FGF13: variants seen among roughly 807,000 people sequenced by gnomAD.
The protein encoded by FGF13 is fibroblast growth factor homologous factor 2.
A neutral mutation model predicts 19.5 loss-of-function variants in FGF13; 2 were observed. The observed-to-expected ratio is 0.10, with a 90% CI of 0.04 to 0.32. The LOEUF is 0.32. Among genes scored for constraint, FGF13 ranks in the 10% least tolerant of loss-of-function variants. The pLI, the probability that FGF13 is intolerant of heterozygous loss-of-function variation, is 1.00. For synonymous variants in FGF13, 72 were observed against 76.9 expected (o/e 0.94, Z 0.33); for missense variants, 113 against 192.7 (o/e 0.59, Z 2.45).
At chrX:139,039,758 C>T (rs926396899) in intron 1 of FGF13, among the ~76,000 whole-genome samples, 11 of 110,865 alleles carry the variant, frequency 9.9e-5, no homozygotes, top group African/African-American at 3.0e-4. Context: ...ATCCCTAGAA[C>T]GGCAACTGTC....
chrX:138,865,435 T>TCTCTCTCTCTCTCTC (rs2091313588), intron 1 of FGF13, among the ~76,000 whole-genome samples: 5 of 99,688 alleles, frequency 5.0e-5, no homozygotes, highest in Non-Finnish European at 7.9e-5. Flanking sequence ...CTCTCTCTTC[T>TCTCTCTCTCTCTCTC]CTCTCTCTCT....
chrX:139,126,256 C>A (rs974054538), intron 1 of FGF13, among the ~76,000 whole-genome samples: 2 of 111,514 alleles, frequency 1.8e-5, no homozygotes, highest in African/African-American at 3.3e-5. Flanking sequence ...ACGTCCTCCC[C>A]TTTTGTTTCT....
chrX:139,060,110 A>G (rs958529247), intron 1 of FGF13, among the ~76,000 whole-genome samples: 4 of 111,651 alleles, frequency 3.6e-5, no homozygotes, highest in Non-Finnish European at 7.5e-5. Flanking sequence ...CATTTCCCTC[A>G]TTACTAGTAA....
Position 138,621,316 on chromosome X carries a change from A to C in FGF13, c.*11534T>G, listed in dbSNP as rs1366143764. 1.8e-5 allele frequency: 2 copies of C among 111,777 alleles called. No homozygotes were observed. The highest frequency in any genetic ancestry group is 9.5e-5 in the Admixed American group (1 of 10,487). 9.2% of individuals were successfully genotyped at this position (111,777 alleles called of 1,213,427 possible). A position where few individuals can be genotyped will look rare whatever the true frequency, so the allele number is the denominator to read the frequency against. Reference sequence around the variant, plus strand: ...AATGCTAAGAAACTGGAAATCAGTAAAGGGAGGAAAACTGTAAAATTAAAC... The same window carrying C: ...AATGCTAAGAAACTGGAAATCAGTACAGGGAGGAAAACTGTAAAATTAAAC... On this transcript the variant is annotated 3_prime_UTR_variant, in exon 5 of 5. Coordinates refer to ENST00000315930, the MANE Select transcript of FGF13 (RefSeq NM_004114.5).
chrX:138,848,793 C>G (rs761600292), intron 3 of FGF13, among the ~76,000 whole-genome samples: 1 of 111,781 alleles, frequency 8.9e-6, no homozygotes, highest in South Asian at 3.7e-4. Flanking sequence ...AATCACTAAT[C>G]TAAAGCAGTG....
At chrX:139,082,520 G>T (rs1415585969) in intron 1 of FGF13, among the ~76,000 whole-genome samples, 1 of 111,652 alleles carries the variant, frequency 9.0e-6, no homozygotes, top group Non-Finnish European at 1.9e-5. Context: ...CTTGTAAGAC[G>T]AGAGGAGGAC....
At chrX:138,703,865 C>A (rs1269618397) in intron 2 of FGF13, among the ~76,000 whole-genome samples, 1 of 111,584 alleles carries the variant, frequency 9.0e-6, no homozygotes, top group South Asian at 3.8e-4. Context: ...CAAGCATGTG[C>A]CACCACGCCC....
chrX:139,085,891 T>G (rs2083400646), intron 1 of FGF13, among the ~76,000 whole-genome samples: 1 of 112,468 alleles, frequency 8.9e-6, no homozygotes, highest in African/African-American at 3.2e-5. Context: ...TATTTTCTAT[T>G]TTATAAACCT....
intron 3 of FGF13, among the ~76,000 whole-genome samples, chrX:138,675,074 T>C (rs1245374036): frequency 9.0e-6 from 1 of 111,554 alleles, no homozygotes; most frequent in African/African-American, 3.3e-5. Context: ...GACAAACATT[T>C]GGCAGTTCTC....
chrX:138,830,975 C>T (rs376474267), intron 3 of FGF13, among the ~76,000 whole-genome samples: 1 of 110,503 alleles, frequency 9.0e-6, no homozygotes. Flanking sequence ...CTTAGGGCAT[C>T]TTCCATGGAC....
intron 1 of FGF13, among the ~76,000 whole-genome samples, chrX:139,201,335 G>A (rs1281123803): frequency 1.8e-5 from 2 of 111,925 alleles, no homozygotes; most frequent in East Asian, 5.6e-4. Context: ...AAAAGCTCTG[G>A]AAACACTGTA....
At chrX:139,036,194 T>C (rs990318932) in intron 1 of FGF13, among the ~76,000 whole-genome samples, 1 of 111,632 alleles carries the variant, frequency 9.0e-6, no homozygotes, top group Non-Finnish European at 1.9e-5. Context: ...TCATAGGATA[T>C]GGAGTTCCAA....
intron 1 of FGF13, among the ~76,000 whole-genome samples, chrX:139,174,163 C>T (rs1228869598): frequency 1.8e-5 from 2 of 112,100 alleles, no homozygotes; most frequent in African/African-American, 3.2e-5. Context: ...TGATGATGAA[C>T]TTTCTTTCAT....
intron 3 of FGF13, among the ~76,000 whole-genome samples, chrX:138,757,514 T>C (rs2090439018): frequency 9.1e-6 from 1 of 110,234 alleles, no homozygotes; most frequent in Non-Finnish European, 1.9e-5. Flanking sequence ...AAGGAAGAGC[T>C]AGCTGCTCTG....
chrX:138,617,308 T>C lies in FGF13; in HGVS notation c.*15542A>G, dbSNP rs1346946920. On this transcript the variant is annotated 3_prime_UTR_variant, in exon 5 of 5. Transcript: ENST00000315930. The stretch of plus-strand genomic sequence containing the variant: ...TTTAAAGATGAAGTGCATTGATGTC[T>C]GTAACTTATTTTGAAATGCAAAAAA... The C allele has an allele frequency of 1.8e-5, 2 of 111,855 alleles. No homozygotes were observed. Among genetic ancestry groups the C allele is most frequent in the African/African-American group, 6.5e-5 (2 of 30,823 alleles). The allele number at this position is 111,855 out of a possible 1,213,427, so 9.2% of individuals were successfully genotyped here. A position where few individuals can be genotyped will look rare whatever the true frequency, so the allele number is the denominator to read the frequency against.
intron 1 of FGF13, among the ~76,000 whole-genome samples, chrX:139,019,572 C>T (rs931927652): frequency 1.8e-5 from 2 of 111,179 alleles, no homozygotes; most frequent in Non-Finnish European, 3.8e-5. Flanking sequence ...ACTGACTTAG[C>T]CATCACAGGC....
At chrX:138,768,726 T>TTATATATATATTATATATATATATATA (rs2090522224) in intron 3 of FGF13, among the ~76,000 whole-genome samples, 2 of 97,891 alleles carry the variant, frequency 2.0e-5, no homozygotes, top group African/African-American at 8.3e-5. Flanking sequence ...TAAGTATATA[T>TTATATATATATTATATATATATATATA]TATATATATA....
intron 3 of FGF13, among the ~76,000 whole-genome samples, chrX:138,756,656 A>G (rs1049435790): frequency 2.7e-5 from 3 of 112,040 alleles, no homozygotes; most frequent in African/African-American, 9.7e-5. Flanking sequence ...AGCTAATTGC[A>G]ATTCCCCTAC....
At position 139,083,839 on chromosome X, in the gene FGF13, C is replaced by A. The variant is rs183075954; in HGVS notation, c.-113+119577G>T. On this transcript the variant is annotated intron_variant, in intron 1 of 2. Coordinates refer to the FGF13 transcript ENST00000421460. ...TAAGCCGAGATCCCGCCACTGCATT[C>A]CAGCCTGGCGACGGAGACTCCTTCT... 9.1e-3 allele frequency among the ~76,000 whole-genome samples: 1,013 copies of A among 111,118 alleles called. 11 individuals carry two copies. Among genetic ancestry groups the A allele is most frequent in the African/African-American group, 0.031 (946 of 30,489 alleles).
Sources: allele counts gnomAD v4.1 joint callset (sites outside exome capture counted in the v4.1 genomes callset), GRCh38; gene constraint gnomAD v4.1.1; transcripts MANE v1.5; gene names NCBI Gene and HGNC (gene_info 2026-07-23, HGNC 2026-07-21).